The following XKR9 variants were observed in gnomAD, a reference collection of about 807,000 sequenced individuals.
The protein encoded by XKR9 is XK-related protein 9.
In XKR9, 32 loss-of-function variants were observed where a neutral mutation model predicts 32.0. The ratio of observed to expected loss-of-function variants is 1.00; its 90% CI spans 0.76 to 1.34. The LOEUF (loss-of-function observed/expected upper bound fraction) is 1.34, where lower values mean the gene tolerates loss of function less well. Among genes scored for constraint, XKR9 ranks in the 40% most tolerant of loss-of-function variants. The pLI, the probability that XKR9 is intolerant of heterozygous loss-of-function variation, is 0.00. For missense variants in XKR9, 546 were observed against 429.7 expected, an observed-to-expected ratio of 1.27 and a Z score of -2.39; for synonymous variants, 168 against 143.4, an observed-to-expected ratio of 1.17 and a Z score of -1.22.
chr8:70,924,972 T>A, the XKR9 span, among the ~76,000 whole-genome samples: 1 of 152,232 alleles, frequency 6.6e-6, no homozygotes, highest in African/African-American at 2.4e-5. Flanking sequence ...TAATGTTAAT[T>A]TTTTTTGCCC....
At chr8:70,774,795 A>G (rs1807497766) in intron 2 of XKR9, among the ~76,000 whole-genome samples, 1 of 152,186 alleles carries the variant, frequency 6.6e-6, no homozygotes, top group Non-Finnish European at 1.5e-5. Context: ...AAATATAACT[A>G]TAAATATTCA....
At chr8:70,790,032 C>T (rs976110313) in intron 3 of XKR9, 5 of 151,332 alleles carry the variant, frequency 3.3e-5, no homozygotes, top group African/African-American at 1.2e-4. Flanking sequence ...GTCCCAGTCA[C>T]CTTTGACAAT....
the XKR9 span, among the ~76,000 whole-genome samples, chr8:70,916,158 T>G: frequency 6.6e-6 from 1 of 152,204 alleles, no homozygotes; most frequent in East Asian, 1.9e-4. Flanking sequence ...TCAAAAGAAT[T>G]GTCTACATTC....
At chr8:71,021,196 A>T in the XKR9 span, among the ~76,000 whole-genome samples, 46 of 152,274 alleles carry the variant, frequency 3.0e-4, no homozygotes, top group African/African-American at 1.1e-3. Flanking sequence ...AGAGGGAATT[A>T]ATCTATTCCT....
chr8:71,050,316 G>T, the XKR9 span, among the ~76,000 whole-genome samples: 1 of 142,596 alleles, frequency 7.0e-6, no homozygotes, highest in African/African-American at 2.7e-5. Context: ...TATAGATATA[G>T]ATATAGATAT....
the XKR9 span, among the ~76,000 whole-genome samples, chr8:70,804,813 G>A: frequency 6.6e-6 from 1 of 152,076 alleles, no homozygotes; most frequent in Admixed American, 6.6e-5. Context: ...TTACTTCATG[G>A]ACTCATTTTA....
the XKR9 span, among the ~76,000 whole-genome samples, chr8:70,969,212 G>A: frequency 3.9e-5 from 6 of 152,124 alleles, no homozygotes; most frequent in African/African-American, 1.4e-4. Context: ...AAGTGGAAAA[G>A]CATAAAATTA....
At chr8:70,982,616 T>A in the XKR9 span, among the ~76,000 whole-genome samples, 1 of 152,106 alleles carries the variant, frequency 6.6e-6, no homozygotes, top group East Asian at 1.9e-4. Flanking sequence ...ACCATGAGCC[T>A]CCTCGTTGAG....
At chr8:70,865,985 G>A in the XKR9 span, among the ~76,000 whole-genome samples, 4 of 152,194 alleles carry the variant, frequency 2.6e-5, no homozygotes, top group Non-Finnish European at 5.9e-5. Context: ...TTAAGATCCT[G>A]CTGCTAATTT....
At chr8:70,803,209 T>C in the XKR9 span, among the ~76,000 whole-genome samples, 1 of 152,228 alleles carries the variant, frequency 6.6e-6, no homozygotes, top group Non-Finnish European at 1.5e-5. Context: ...AACTTGGACA[T>C]TCTTTCCTCA....
chr8:70,946,267 AC>A, the XKR9 span, among the ~76,000 whole-genome samples: 1,059 of 152,264 alleles, frequency 7.0e-3, 12 homozygotes, highest in African/African-American at 0.024. Context: ...TGCCTAGAGA[AC>A]CCACATCTTT....
chr8:70,802,549 G>T, the XKR9 span, among the ~76,000 whole-genome samples: 2 of 152,300 alleles, frequency 1.3e-5, no homozygotes, highest in South Asian at 2.1e-4. Flanking sequence ...ATGCAGCCTT[G>T]ATTGTATTGT....
Position 70,734,175 on chromosome 8 carries a change from T to C in XKR9, c.873T>C (p.Tyr291=). ...QNTKCPMSCY[Y]IVRVLGTLGI... ...CCAAGTGTCCAATGTCTTGTTATTA[T>C]ATTGTTAGGGTACTGGGCACTTTGG... Residue 291 remains tyrosine, a synonymous_variant, in exon 5 of 5, where the codon TAT becomes TAC. Coordinates refer to ENST00000408926, the MANE Select transcript of XKR9 (RefSeq NM_001011720.2). 4 of 1,613,502 alleles carry C rather than the reference T, an allele frequency of 2.5e-6. No individual in the cohort carries two copies. The highest frequency in any genetic ancestry group is 3.4e-6 in the Non-Finnish European group (4 of 1,179,648).
At chr8:71,055,017 AT>A in the XKR9 span, among the ~76,000 whole-genome samples, 2 of 152,142 alleles carry the variant, frequency 1.3e-5, no homozygotes, top group African/African-American at 4.8e-5. Flanking sequence ...AAGATAAAAT[AT>A]TTTTTTCTCT....
the XKR9 span, among the ~76,000 whole-genome samples, chr8:71,048,661 C>A: frequency 6.6e-6 from 1 of 152,134 alleles, no homozygotes; most frequent in African/African-American, 2.4e-5. Context: ...ACAATATCAC[C>A]ATACAATTTT....
intron 2 of XKR9, among the ~76,000 whole-genome samples, chr8:70,771,494 C>A (rs1807453031): frequency 6.6e-6 from 1 of 152,168 alleles, no homozygotes; most frequent in African/African-American, 2.4e-5. Context: ...CAACACTGAT[C>A]TATTCACCTC....
At chr8:70,712,161 T>C (rs986292057) in intron 4 of XKR9, among the ~76,000 whole-genome samples, 1 of 152,098 alleles carries the variant, frequency 6.6e-6, no homozygotes, top group Non-Finnish European at 1.5e-5. Context: ...AATAGCAGAT[T>C]AGAAATATCA....
intron 1 of XKR9, among the ~76,000 whole-genome samples, chr8:70,669,823 C>T (rs1237164266): frequency 2.6e-5 from 4 of 152,076 alleles, no homozygotes; most frequent in African/African-American, 9.6e-5. Context: ...TCCGCCACCA[C>T]GCCCGGCTAA....
At chr8:70,772,064 G>T (rs1807460994) in intron 2 of XKR9, among the ~76,000 whole-genome samples, 1 of 152,008 alleles carries the variant, frequency 6.6e-6, no homozygotes, top group African/African-American at 2.4e-5. Flanking sequence ...ATTTGAGATG[G>T]TCCATCCAAG....
Sources: allele counts gnomAD v4.1 joint callset (sites outside exome capture counted in the v4.1 genomes callset), GRCh38; gene constraint gnomAD v4.1.1; transcripts MANE v1.5; gene names NCBI Gene and HGNC (gene_info 2026-07-23, HGNC 2026-07-21).